PCDH15: variants seen among roughly 807,000 people sequenced by gnomAD.
PCDH15 encodes protocadherin-15.
PCDH15 carries 129 observed loss-of-function variants against 178.5 expected under a neutral mutation model. That is an observed-to-expected ratio of 0.72 (90% CI 0.63 to 0.84). The LOEUF is 0.84. Ranked by LOEUF, PCDH15 falls within the 40% of genes least tolerant of loss-of-function variation. The probability of loss-of-function intolerance (pLI) is 0.00; values close to 1 mark genes in which losing one functional copy is unlikely to be tolerated. For synonymous variants in PCDH15, 800 were observed against 732.0 expected (o/e 1.09, Z -1.50); for missense variants, 2,230 against 2,099.9 (o/e 1.06, Z -1.21).
intron 2 of PCDH15, among the ~76,000 whole-genome samples, chr10:54,598,432 G>C (rs987966173): frequency 1.3e-5 from 2 of 152,102 alleles, no homozygotes; most frequent in South Asian, 2.1e-4. Flanking sequence ...TTCCCTTCAT[G>C]TTAAAAACTC....
At chr10:53,917,281 G>T (rs770512358) in intron 25 of PCDH15, among the ~76,000 whole-genome samples, 2 of 151,946 alleles carry the variant, frequency 1.3e-5, no homozygotes, top group African/African-American at 2.4e-5. Context: ...AGCCGAATAG[G>T]AATTATTGTA....
chr10:54,774,650 C>T (rs775584335), intron 1 of PCDH15, among the ~76,000 whole-genome samples: 2 of 152,064 alleles, frequency 1.3e-5, no homozygotes, highest in African/African-American at 2.4e-5. Context: ...GGTTAGTTAT[C>T]CCAGGCAGTA....
rs1311102475 is a variant in PCDH15 at position 54,296,004 on chromosome 10, G to A, written c.876+21267C>T. Among the ~76,000 whole-genome samples the A allele has an allele frequency of 2.0e-5, 3 of 150,960 alleles. No individual in the cohort carries two copies. In the South Asian group the frequency reaches 6.3e-4, roughly 32 times the overall value. Reference sequence around the variant, plus strand: ...CTAAAAAATACAAAAAATTAGCCGGGCGTAGTGGCGGGCGCCTGTGGTCCC... The same window carrying A: ...CTAAAAAATACAAAAAATTAGCCGGACGTAGTGGCGGGCGCCTGTGGTCCC... On this transcript the variant is annotated intron_variant, in intron 8 of 37. Transcript: ENST00000644397.
At chr10:54,047,577 C>G (rs1337998696) in intron 18 of PCDH15, among the ~76,000 whole-genome samples, 1 of 151,862 alleles carries the variant, frequency 6.6e-6, no homozygotes, top group Non-Finnish European at 1.5e-5. Flanking sequence ...CCCCCAGTCT[C>G]TTCTCTAGTA....
At chr10:55,367,002 T>A (rs1170937847) in intron 2 of PCDH15, among the ~76,000 whole-genome samples, 1 of 151,784 alleles carries the variant, frequency 6.6e-6, no homozygotes, top group Non-Finnish European at 1.5e-5. Flanking sequence ...GGGTGTTTAT[T>A]TTTAACATTT....
At chr10:55,168,704 T>G (rs570644091) in intron 1 of PCDH15, among the ~76,000 whole-genome samples, 1 of 152,312 alleles carries the variant, frequency 6.6e-6, no homozygotes, top group South Asian at 2.1e-4. Flanking sequence ...CTTAAAGCAT[T>G]TAATGCCTTC....
At chr10:55,225,611 G>A (rs1841008882) in intron 1 of PCDH15, among the ~76,000 whole-genome samples, 1 of 151,064 alleles carries the variant, frequency 6.6e-6, no homozygotes, top group South Asian at 2.1e-4. Flanking sequence ...TGTGGGATGT[G>A]TGTGTGTGTA....
intron 7 of PCDH15, among the ~76,000 whole-genome samples, chr10:54,320,560 A>G (rs1263554819): frequency 7.2e-6 from 1 of 138,008 alleles, no homozygotes; most frequent in Non-Finnish European, 1.6e-5. Flanking sequence ...TTAATTTAAA[A>G]TAAGCGTATG....
At chr10:54,872,714 T>C (rs1591755693) in intron 3 of PCDH15, among the ~76,000 whole-genome samples, 1 of 152,126 alleles carries the variant, frequency 6.6e-6, no homozygotes, top group African/African-American at 2.4e-5. Context: ...ACTTAGATTA[T>C]GAGATTTTTG....
chr10:54,721,161 A>C (rs1176904783), intron 1 of PCDH15, among the ~76,000 whole-genome samples: 1 of 152,048 alleles, frequency 6.6e-6, no homozygotes, highest in East Asian at 1.9e-4. Context: ...AAATTAAGGC[A>C]GAAATCAGGA....
intron 2 of PCDH15, among the ~76,000 whole-genome samples, chr10:55,066,877 AT>A (rs546312184): frequency 7.8e-4 from 118 of 151,886 alleles, no homozygotes; most frequent in African/African-American, 2.5e-3. Flanking sequence ...TATGCTTAAT[AT>A]TTTTTATACT....
At chr10:54,358,288 G>C (rs28781698) in intron 5 of PCDH15, among the ~76,000 whole-genome samples, 16,764 of 150,862 alleles carry the variant, frequency 0.11, 1,588 homozygotes, top group African/African-American at 0.27. Flanking sequence ...CTAATATCCA[G>C]AATCTACAAT....
At chr10:55,245,505 T>C (rs2132217205) in intron 1 of PCDH15, among the ~76,000 whole-genome samples, 1 of 152,306 alleles carries the variant, frequency 6.6e-6, no homozygotes, top group East Asian at 1.9e-4. Flanking sequence ...CTATGGAAAT[T>C]CAGTCTTCTT....
intron 3 of PCDH15, among the ~76,000 whole-genome samples, chr10:54,459,967 A>G (rs189806174): frequency 8.9e-4 from 135 of 152,242 alleles, no homozygotes; most frequent in Non-Finnish European, 1.3e-3. Flanking sequence ...TCTATTTGCC[A>G]TTACTTTAAA....
At chr10:55,069,846 C>T (rs1259093818) in intron 2 of PCDH15, among the ~76,000 whole-genome samples, 194 of 151,222 alleles carry the variant, frequency 1.3e-3, no homozygotes, top group Admixed American at 3.2e-3. Context: ...CCCTGAGGAA[C>T]CGCCACACTG....
At chr10:55,472,651 C>G (rs953103196) in intron 2 of PCDH15, among the ~76,000 whole-genome samples, 5 of 152,182 alleles carry the variant, frequency 3.3e-5, no homozygotes, top group African/African-American at 1.2e-4. Context: ...TAACTGCAAG[C>G]TCCACCTACC....
chr10:53,947,764 T>C (rs2086694942), intron 23 of PCDH15, among the ~76,000 whole-genome samples: 1 of 152,218 alleles, frequency 6.6e-6, no homozygotes, highest in African/African-American at 2.4e-5. Flanking sequence ...TTTTTACGTA[T>C]GTTCCAAAGA....
intron 2 of PCDH15, among the ~76,000 whole-genome samples, chr10:55,013,519 A>C (rs1840097392): frequency 7.0e-6 from 1 of 143,484 alleles, no homozygotes; most frequent in Admixed American, 7.0e-5. Flanking sequence ...AACTCAGAAT[A>C]TATCAGCAAT....
At chr10:54,623,968 T>G (rs567742879) in intron 2 of PCDH15, among the ~76,000 whole-genome samples, 10 of 152,280 alleles carry the variant, frequency 6.6e-5, no homozygotes, top group African/African-American at 2.4e-4. Flanking sequence ...ATGAAATTAA[T>G]TTATCAAGAT....
Sources: allele counts gnomAD v4.1 joint callset (sites outside exome capture counted in the v4.1 genomes callset), GRCh38; gene constraint gnomAD v4.1.1; transcripts MANE v1.5; gene names NCBI Gene and HGNC (gene_info 2026-07-23, HGNC 2026-07-21).